GATAD2B: variants seen among roughly 807,000 people sequenced by gnomAD.
GATAD2B encodes the protein transcriptional repressor p66-beta.
Under a neutral mutation model 64.3 loss-of-function variants are expected in GATAD2B, and 8 were observed. That is an observed-to-expected ratio of 0.12 (90% confidence interval 0.07 to 0.22). The LOEUF (loss-of-function observed/expected upper bound fraction) is 0.22, where lower values mean the gene tolerates loss of function less well. Ranked by LOEUF, GATAD2B falls within the 10% of genes least tolerant of loss-of-function variation. The pLI, the probability that GATAD2B is intolerant of heterozygous loss-of-function variation, is 1.00. For missense variants in GATAD2B, 453 were observed against 752.0 expected (o/e 0.60, Z 4.65); for synonymous variants, 281 against 271.3 (o/e 1.04, Z -0.35).
At chr1:153,887,081 A>C (rs1173586089) in intron 1 of GATAD2B, among the ~76,000 whole-genome samples, 1 of 152,122 alleles carries the variant, frequency 6.6e-6, no homozygotes, top group Non-Finnish European at 1.5e-5. Context: ...TACAACAACA[A>C]ATCAGATCAC....
intron 7 of GATAD2B, among the ~76,000 whole-genome samples, chr1:153,813,909 T>C (rs1015392362): frequency 3.3e-5 from 5 of 152,172 alleles, no homozygotes; most frequent in African/African-American, 4.8e-5. Flanking sequence ...ACCTGGGAAG[T>C]AGAGGTTGCA....
chr1:153,913,987 G>C (rs545983499), intron 1 of GATAD2B, among the ~76,000 whole-genome samples: 1 of 151,536 alleles, frequency 6.6e-6, no homozygotes, highest in East Asian at 1.9e-4. Context: ...GCTCACGCCT[G>C]TAATCCCATC....
intron 1 of GATAD2B, among the ~76,000 whole-genome samples, chr1:153,884,852 G>A (rs1677130592): frequency 6.6e-6 from 1 of 151,240 alleles, no homozygotes; most frequent in South Asian, 2.1e-4. Context: ...TGCCTCCCGG[G>A]CTGAAGCAAT....
intron 1 of GATAD2B, among the ~76,000 whole-genome samples, chr1:153,915,935 T>C (rs1017916022): frequency 6.6e-6 from 1 of 152,144 alleles, no homozygotes; most frequent in South Asian, 2.1e-4. Flanking sequence ...GAAAGTAGAA[T>C]AATCAGTAAG....
chr1:153,807,924 C>T lies in GATAD2B; in HGVS notation c.*2253G>A, dbSNP rs972882021. On this transcript the variant is annotated 3_prime_UTR_variant, in exon 11 of 11. Transcript: ENST00000368655. ...AGGAAGAGGCTAGACAGACATGCCACAAGGCAAGATGACTTGTGGGGAAAA... is the reference window on the plus strand; with the variant it reads ...AGGAAGAGGCTAGACAGACATGCCATAAGGCAAGATGACTTGTGGGGAAAA... The T allele has an allele frequency of 9.8e-5, 15 of 152,506 alleles. No homozygotes were observed. Among genetic ancestry groups the T allele is most frequent in the African/African-American group, 3.6e-4 (15 of 41,400 alleles). The allele number at this position is 152,506 out of a possible 1,614,324, so 9.4% of individuals were successfully genotyped here. A position where few individuals can be genotyped will look rare whatever the true frequency, so the allele number is the denominator to read the frequency against.
chr1:153,849,460 TATA>T (rs558684036), intron 1 of GATAD2B, among the ~76,000 whole-genome samples: 24 of 152,340 alleles, frequency 1.6e-4, no homozygotes, highest in Admixed American at 9.8e-4. Context: ...ACAGGCATTT[TATA>T]ATCTTATGTC....
intron 1 of GATAD2B, among the ~76,000 whole-genome samples, chr1:153,909,972 G>A (rs187360795): frequency 0.021 from 3,147 of 148,586 alleles, 117 homozygotes; most frequent in African/African-American, 0.073. Flanking sequence ...AAAATTAGCT[G>A]GGCATGGTGG....
chr1:153,828,152 T>C lies in GATAD2B; in HGVS notation c.196A>G (p.Lys66Glu). Reference protein sequence around the residue: ...NLEVPHELPTKQDGSGVKGYE... With the variant: ...NLEVPHELPTEQDGSGVKGYE... The stretch of plus-strand genomic sequence containing the variant: ...CCCTTGACACCACTGCCATCCTGTT[T>C]GGTGGGTAACTCATGTGGCACCTCA... Residue 66 changes from lysine (K) to glutamate (E), a missense_variant, in exon 2 of 11, where the codon AAA becomes GAA. Lys to Glu is a moderately conservative substitution (Grantham distance 56, BLOSUM62 1). This residue lies in a region of GATAD2B where 293 missense variants were observed against 417.2 expected (regional missense o/e 0.70). Coordinates refer to ENST00000368655, the MANE Select transcript of GATAD2B (RefSeq NM_020699.4). 2 of 1,614,218 alleles carry C rather than the reference T, an allele frequency of 1.2e-6. No individual in the cohort carries two copies. The highest frequency in any genetic ancestry group is 1.3e-5 in the African/African-American group (1 of 75,064).
intron 1 of GATAD2B, among the ~76,000 whole-genome samples, chr1:153,906,077 A>C (rs1677918611): frequency 6.6e-6 from 1 of 150,418 alleles, no homozygotes; most frequent in East Asian, 1.9e-4. Flanking sequence ...AAAAAAAAAA[A>C]AAAAGCTCCC....
intron 1 of GATAD2B, among the ~76,000 whole-genome samples, chr1:153,855,560 C>A (rs1322786330): frequency 3.3e-5 from 5 of 152,196 alleles, no homozygotes; most frequent in African/African-American, 1.2e-4. Flanking sequence ...TAAATTACCA[C>A]AAATTTAGTG....
chr1:153,856,033 G>A (rs1287852348), intron 1 of GATAD2B, among the ~76,000 whole-genome samples: 2 of 152,132 alleles, frequency 1.3e-5, no homozygotes, highest in East Asian at 3.8e-4. Context: ...TTGTCCTGCT[G>A]TTCCCTGCTA....
chr1:153,818,989 A>C, intron 3 of GATAD2B, 67 bp from the exon 4 acceptor site: 3 of 1,512,136 alleles, frequency 2.0e-6, no homozygotes, highest in Non-Finnish European at 2.7e-6. Context: ...GCAAGAGACA[A>C]TCTTTACTTC....
At chr1:153,886,869 T>C (rs1382806058) in intron 1 of GATAD2B, among the ~76,000 whole-genome samples, 1 of 152,090 alleles carries the variant, frequency 6.6e-6, no homozygotes, top group African/African-American at 2.4e-5. Flanking sequence ...GAAAAATAGC[T>C]GTTTTTTTAA....
chr1:153,814,119 T>C (rs2101877086), intron 7 of GATAD2B, among the ~76,000 whole-genome samples: 1 of 152,382 alleles, frequency 6.6e-6, no homozygotes, highest in Non-Finnish European at 1.5e-5. Context: ...CTTTTGCTTC[T>C]TAATATCTCC....
intron 4 of GATAD2B, 93 bp from the exon 5 acceptor site, chr1:153,818,264 A>C (rs1158745018): frequency 9.3e-7 from 1 of 1,078,346 alleles, no homozygotes; most frequent in East Asian, 2.8e-5. Flanking sequence ...GGTCAGTGTG[A>C]GGTTCTTGTC....
intron 1 of GATAD2B, chr1:153,852,067 G>T: frequency 1.9e-6 from 1 of 534,486 alleles, no homozygotes. Flanking sequence ...TTAACTGGCT[G>T]GCCGCATCAT....
At chr1:153,845,197 G>A (rs1013502027) in intron 1 of GATAD2B, among the ~76,000 whole-genome samples, 3 of 152,194 alleles carry the variant, frequency 2.0e-5, no homozygotes, top group Middle Eastern at 3.4e-3. Flanking sequence ...CTGGCTTAAA[G>A]ACAGATATGT....
At chr1:153,864,671 G>A (rs1333432256) in intron 1 of GATAD2B, among the ~76,000 whole-genome samples, 1 of 151,980 alleles carries the variant, frequency 6.6e-6, no homozygotes, top group Non-Finnish European at 1.5e-5. Flanking sequence ...GGAGGAAAAG[G>A]AAAGAAAGAA....
intron 1 of GATAD2B, among the ~76,000 whole-genome samples, chr1:153,840,026 C>CTTT (rs779722872): frequency 1.7e-3 from 169 of 97,808 alleles, no homozygotes; most frequent in African/African-American, 2.4e-3. Context: ...AAAATACTTT[C>CTTT]TTTTTTTTTT....
Sources: gnomAD v4.1 joint callset for allele counts (sites outside exome capture counted in the v4.1 genomes callset) on GRCh38, gnomAD v4.1.1 for gene constraint, gnomAD v4.1.1 regional missense constraint, MANE v1.5 for transcripts, NCBI Gene and HGNC (gene_info 2026-07-23, HGNC 2026-07-21) for gene names.